ADAMTSL4: variants seen among roughly 807,000 people sequenced by gnomAD.
ADAMTSL4 encodes ADAMTS like 4.
In ADAMTSL4, 97 loss-of-function variants were observed where a neutral mutation model predicts 122.8. The observed-to-expected ratio is 0.79, with a 90% CI of 0.67 to 0.93. The LOEUF (loss-of-function observed/expected upper bound fraction) is 0.93. Among genes scored for constraint, ADAMTSL4 ranks in the 40% least tolerant of loss-of-function variants. The pLI is 0.00. For synonymous variants in ADAMTSL4, 592 were observed against 568.0 expected (o/e 1.04, Z -0.60); for missense variants, 1,408 against 1,453.5 (o/e 0.97, Z 0.51).
intron 7 of ADAMTSL4, among the ~76,000 whole-genome samples, 189 bp from the exon 8 acceptor site, chr1:150,555,240 G>C (rs1365195940): frequency 6.6e-6 from 1 of 151,952 alleles, no homozygotes; most frequent in South Asian, 2.1e-4. Context: ...CACCCACCTC[G>C]GCCTCCCAGA....
Position 150,554,094 on chromosome 1 carries a change from G to A in ADAMTSL4, c.1103G>A (p.Ser368Asn). 5 of 1,600,986 alleles carry A rather than the reference G, an allele frequency of 3.1e-6. No homozygotes were observed. Among genetic ancestry groups the A allele is most frequent in the Non-Finnish European group, 4.2e-6 (5 of 1,179,926 alleles). Residue 368 changes from serine (S) to asparagine (N), a missense_variant, in exon 6 of 19, where the codon AGT becomes AAT. Transcript: ENST00000271643. This position sits in a 1 kb window ranked among gnomAD's most constrained non-coding sequence, Gnocchi z 4.0. Reference protein sequence around the residue: ...SSPIPRCSGESEQLRACSQAP... With the variant: ...SSPIPRCSGENEQLRACSQAP... ...CCTATTCCAAGATGTTCTGGGGAGA[G>A]TGAACAGCTAAGAGCCTGCAGCCAA...
chr1:150,552,215 C>T lies in ADAMTSL4; in HGVS notation c.-74C>T. Reference sequence around the variant, plus strand: ...CTTCTGTCCCTGCAGAGAGCACCCTCCACGCCCAGATGCCTGCGTAGTTTT... The same window carrying T: ...CTTCTGTCCCTGCAGAGAGCACCCTTCACGCCCAGATGCCTGCGTAGTTTT... On this transcript the variant is annotated 5_prime_UTR_variant, in exon 3 of 19. Transcript: ENST00000271643. This position sits in a 1 kb window ranked among gnomAD's most constrained non-coding sequence, Gnocchi z 4.0. 6.7e-7 allele frequency: 1 copy of T among 1,487,204 alleles called. No individual in the cohort carries two copies. 92.1% of individuals were successfully genotyped at this position (1,487,204 alleles called of 1,614,324 possible).
chr1:150,556,502 G>A lies in ADAMTSL4; in HGVS notation c.1577-119G>A. ...CCCTCGTGGAAGGAGTGAGGAAGCT[G>A]AGAGGGCTTGGGGGGATCTTAGGTT... On this transcript the variant is annotated intron_variant, in intron 9 of 18. Coordinates refer to ENST00000271643, the MANE Select transcript of ADAMTSL4 (RefSeq NM_019032.6). This position sits in a 1 kb window ranked among gnomAD's most constrained non-coding sequence, Gnocchi z 4.1. The A allele has an allele frequency of 6.4e-7, 1 of 1,571,478 alleles. No homozygotes were observed. The highest frequency in any genetic ancestry group is 1.1e-5 in the South Asian group (1 of 89,290).
intron 2 of ADAMTSL4, chr1:150,551,370 A>T: frequency 3.5e-6 from 1 of 287,174 alleles, no homozygotes; most frequent in Non-Finnish European, 7.0e-6. Flanking sequence ...CAAAAAGTGT[A>T]TGAGATGTGC....
At position 150,553,978 on chromosome 1, in the gene ADAMTSL4, G is replaced by T; in HGVS notation, c.987G>T (p.Glu329Asp). 1 of 1,611,470 alleles carries T rather than the reference G, an allele frequency of 6.2e-7. No individual in the cohort carries two copies. The highest frequency in any genetic ancestry group is 2.2e-5 in the East Asian group (1 of 44,858). Residue 329 changes from glutamate to aspartate, a missense_variant, in exon 6 of 19, where the codon GAG (glutamate) becomes GAT (aspartate). Transcript: ENST00000271643. ...TGGTPHGPRL[E>D]PDPQHPGAWL... ...GGACTCCTCACGGGCCCCGCCTGGA[G>T]CCTGACCCTCAGCACCCGGGCGCCT...
chr1:150,553,535 G>A lies in ADAMTSL4; in HGVS notation c.544G>A (p.Glu182Lys). ...RRHPRSPPRS[E>K]LSLISSRGEE... Reference sequence around the variant, plus strand: ...GCACCCTCGGAGCCCACCCAGATCTGAGCTGTCCCTGATCTCTTCTAGAGG... The same window carrying A: ...GCACCCTCGGAGCCCACCCAGATCTAAGCTGTCCCTGATCTCTTCTAGAGG... Residue 182 changes from glutamate (E) to lysine (K), a missense_variant, in exon 6 of 19, where the codon GAG becomes AAG. Physicochemically the swap from Glu to Lys is moderately conservative, Grantham distance 56. Transcript: ENST00000271643. 6.2e-7 allele frequency: 1 copy of A among 1,613,864 alleles called. No individual in the cohort carries two copies. The highest frequency in any genetic ancestry group is 8.5e-7 in the Non-Finnish European group (1 of 1,179,948).
intron 2 of ADAMTSL4, chr1:150,550,173 T>C: frequency 2.2e-6 from 1 of 455,864 alleles, no homozygotes. Context: ...GGAGCCCGCG[T>C]TTGTCCAGAC....
intron 2 of ADAMTSL4, chr1:150,551,548 C>T (rs1438758051): frequency 6.3e-6 from 1 of 157,826 alleles, no homozygotes; most frequent in Admixed American, 6.0e-5. Flanking sequence ...CCTTCCTCCT[C>T]TACTTTCTAG....
intron 14 of ADAMTSL4, 155 bp from the exon 15 acceptor site, chr1:150,558,318 C>T (rs1672414499): frequency 6.6e-7 from 1 of 1,511,178 alleles, no homozygotes; most frequent in Admixed American, 2.1e-5. Flanking sequence ...ACTGGGGGCC[C>T]AGGGCCCTAG....
rs144358124 is a variant in ADAMTSL4 at position 150,559,140 on chromosome 1, G to A, written c.2738G>A (p.Arg913His). The A allele has an allele frequency of 2.0e-4, 321 of 1,612,630 alleles. 1 individual carries two copies. The highest frequency in any genetic ancestry group is 2.0e-3 in the Middle Eastern group (12 of 6,054). ...CSLGPCERTW[R>H]WYTGPWGECS... ...CTGGGGCCCTGTGAGAGAACTTGGC[G>A]CTGGTACACAGGGCCCTGGGGTGAG... Residue 913 changes from arginine (R) to histidine (H), a missense_variant, in exon 16 of 19, where the codon CGC becomes CAC. Arg to His is a conservative substitution (Grantham distance 29). Coordinates refer to ENST00000271643, the MANE Select transcript of ADAMTSL4 (RefSeq NM_019032.6). This position sits in a 1 kb window ranked among gnomAD's most constrained non-coding sequence, Gnocchi z 4.1.
chr1:150,558,967 A>T lies in ADAMTSL4; in HGVS notation c.2565A>T (p.Ser855=), dbSNP rs368453781. 7 of 1,607,602 alleles carry T rather than the reference A, an allele frequency of 4.4e-6. No homozygotes were observed. In the African/African-American group the frequency reaches 6.7e-5, roughly 15 times the overall value. ...WFHSDWSSKC[S]AECGTGIQRR... is the part of the protein sequence containing the mutation. ...GCCGCTCTCCTCCTCCGCAGTGCTCAGCCGAGTGTGGGACGGGAATCCAGC... is the reference window on the plus strand; with the variant it reads ...GCCGCTCTCCTCCTCCGCAGTGCTCTGCCGAGTGTGGGACGGGAATCCAGC... Residue 855 remains serine, a synonymous_variant, in exon 16 of 19, where the codon TCA becomes TCT. Coordinates refer to ENST00000271643, the MANE Select transcript of ADAMTSL4 (RefSeq NM_019032.6).
chr1:150,556,330 C>A lies in ADAMTSL4; in HGVS notation c.1540C>A (p.Gln514Lys), dbSNP rs1560295530. ...GATTCCAGCGGGAGCCTTGCGGCTC[C>A]AGATTGCCCAGCTCCGGCCTAGCTC... ...LWIPAGALRL[Q>K]IAQLRPSSNY... Residue 514 changes from glutamine to lysine, a missense_variant, in exon 9 of 19, where the codon CAG (glutamine) becomes AAG (lysine). By Grantham distance (53) the Gln-to-Lys change is moderately conservative. Transcript: ENST00000271643. The surrounding 1 kb of genome is among the most constrained non-coding windows in gnomAD (Gnocchi z 4.1). The A allele has an allele frequency of 1.2e-6, 2 of 1,614,066 alleles. No individual in the cohort carries two copies.
Position 150,559,088 on chromosome 1 carries a change from C to A in ADAMTSL4, c.2686C>A (p.Arg896=), listed in dbSNP as rs145517687. ...TGGGCAGAGCTGTCCAACAGGAAGC[C>A]GGCCCCCTGACATGCGCGCCTGCAG... is the stretch of plus-strand genomic sequence containing the variant. ...GTGQSCPTGS[R]PPDMRACSLG... is the part of the protein sequence containing the mutation. The change falls in exon 16 of 19, where the codon CGG becomes AGG. Residue 896 remains arginine (R), a synonymous_variant. Coordinates refer to ENST00000271643, the MANE Select transcript of ADAMTSL4 (RefSeq NM_019032.6). The surrounding 1 kb of genome is among the most constrained non-coding windows in gnomAD (Gnocchi z 4.1). 51 of 1,612,842 alleles carry A rather than the reference C, an allele frequency of 3.2e-5. No individual in the cohort carries two copies. Among genetic ancestry groups the A allele is most frequent in the Middle Eastern group, 3.3e-4 (2 of 6,040 alleles).
chr1:150,559,105 C>T lies in ADAMTSL4; in HGVS notation c.2703C>T (p.Arg901=), dbSNP rs139006349. 2.4e-5 allele frequency: 38 copies of T among 1,612,712 alleles called. No individual in the cohort carries two copies. The highest frequency in any genetic ancestry group is 2.7e-5 in the Non-Finnish European group (32 of 1,179,934). The change falls in exon 16 of 19, where the codon CGC becomes CGT. Residue 901 remains arginine (R), a synonymous_variant. Coordinates refer to ENST00000271643, the MANE Select transcript of ADAMTSL4 (RefSeq NM_019032.6). This position sits in a 1 kb window ranked among gnomAD's most constrained non-coding sequence, Gnocchi z 4.1. Reference sequence around the variant, plus strand: ...CAGGAAGCCGGCCCCCTGACATGCGCGCCTGCAGCCTGGGGCCCTGTGAGA... The same window carrying T: ...CAGGAAGCCGGCCCCCTGACATGCGTGCCTGCAGCCTGGGGCCCTGTGAGA... ...CPTGSRPPDM[R]ACSLGPCERT... is the part of the protein sequence containing the mutation.
Position 150,555,471 on chromosome 1 carries a change from G to T in ADAMTSL4, c.1277G>T (p.Gly426Val). The T allele has an allele frequency of 1.2e-6, 2 of 1,614,176 alleles. No homozygotes were observed. The highest frequency in any genetic ancestry group is 1.7e-6 in the Non-Finnish European group (2 of 1,180,022). ...QRCELNCRPR[G>V]FRFYVRHTEK... ...TGTGAACTGAACTGCCGGCCCCGTG[G>T]CTTCCGCTTCTATGTCCGTCACACT... The change falls in exon 8 of 19, where the codon GGC becomes GTC. Residue 426 changes from glycine to valine, a missense_variant. Coordinates refer to ENST00000271643, the MANE Select transcript of ADAMTSL4 (RefSeq NM_019032.6).
At chr1:150,557,463 T>A in intron 12 of ADAMTSL4, 31 bp from the exon 13 acceptor site, 1 of 1,613,012 alleles carries the variant, frequency 6.2e-7, no homozygotes, top group South Asian at 1.1e-5. Flanking sequence ...TCTAGCCTCC[T>A]GCCTCCCTGG....
chr1:150,557,198 G>T lies in ADAMTSL4; in HGVS notation c.1910G>T (p.Arg637Leu), dbSNP rs587752866. The change falls in exon 12 of 19, where the codon CGG (arginine) becomes CTG (leucine). Residue 637 changes from arginine to leucine, a missense_variant. By Grantham distance (102) the Arg-to-Leu change is moderately radical. Coordinates refer to ENST00000271643, the MANE Select transcript of ADAMTSL4 (RefSeq NM_019032.6). ...CTTGCTCCGGCACCCCGCCCAGCCC[G>T]GACCCCAGGCACCCTCCAGCGTCAG... Reference protein sequence around the residue: ...PPLAPAPRPARTPGTLQRQVR... With the variant: ...PPLAPAPRPALTPGTLQRQVR... 5 of 1,597,432 alleles carry T rather than the reference G, an allele frequency of 3.1e-6. No homozygotes were observed. Among genetic ancestry groups the T allele is most frequent in the Non-Finnish European group, 4.3e-6 (5 of 1,169,762 alleles).
Position 150,557,056 on chromosome 1 carries a change from ACT to A in ADAMTSL4, c.1861+9_1861+10del, listed in dbSNP as rs1377158736. The A allele has an allele frequency of 6.2e-7, 1 of 1,612,830 alleles. No individual in the cohort carries two copies. The highest frequency in any genetic ancestry group is 8.5e-7 in the Non-Finnish European group (1 of 1,179,270). On this transcript the variant is annotated splice_region_variant and intron_variant, in intron 11 of 18. Transcript: ENST00000271643. ...TGTCCCCCAGCTTCAGCCGGGTAAG[ACT>A]CTGACCCCTGCACTTGGAAGGAGGA...
Position 150,557,620 on chromosome 1 carries a change from C to T in ADAMTSL4, c.2174C>T (p.Pro725Leu). Residue 725 changes from proline to leucine, a missense_variant, in exon 13 of 19, where the codon CCA becomes CTA. Coordinates refer to ENST00000271643, the MANE Select transcript of ADAMTSL4 (RefSeq NM_019032.6). ...CCCTGCCACGGCACCCCATGCCCCC[C>T]ATAGTGAGTATGGGGGAGCCCACGG... ...PEPCHGTPCP[P>L]YWEAGEWTSC... 2 of 1,600,314 alleles carry T rather than the reference C, an allele frequency of 1.2e-6. No homozygotes were observed. Among genetic ancestry groups the T allele is most frequent in the Admixed American group, 3.4e-5 (2 of 57,980 alleles).
Sources: gnomAD v4.1 joint callset for allele counts (sites outside exome capture counted in the v4.1 genomes callset) on GRCh38, gnomAD v4.1.1 for gene constraint, Gnocchi (gnomAD v3.1) non-coding constraint, MANE v1.5 for transcripts, NCBI Gene and HGNC (gene_info 2026-07-23, HGNC 2026-07-21) for gene names.